The following REEP3 variants were observed in gnomAD, a reference collection of about 807,000 sequenced individuals.
REEP3 encodes the protein receptor accessory protein 3, also known as receptor expression-enhancing protein 3.
Under a neutral mutation model 41.3 loss-of-function variants are expected in REEP3, and 20 were observed. The observed-to-expected ratio is 0.48, with a 90% confidence interval of 0.34 to 0.70. REEP3 has a LOEUF of 0.70. Among genes scored for constraint, REEP3 ranks in the 30% least tolerant of loss-of-function variants. REEP3 has a pLI of 0.01. For missense variants in REEP3, 271 were observed against 308.8 expected, an observed-to-expected ratio of 0.88 and a Z score of 0.92; for synonymous variants, 104 against 101.8, an observed-to-expected ratio of 1.02 and a Z score of -0.13.
chr10:63,591,753 A>C (rs1483493046), intron 2 of REEP3, among the ~76,000 whole-genome samples: 1 of 152,252 alleles, frequency 6.6e-6, no homozygotes, highest in Non-Finnish European at 1.5e-5. Context: ...ACTGAAGCAC[A>C]GCTACTTTTG....
chr10:63,616,652 T>C (rs1264928627), intron 6 of REEP3, among the ~76,000 whole-genome samples: 1 of 152,226 alleles, frequency 6.6e-6, no homozygotes, highest in East Asian at 1.9e-4. Context: ...TAGCAAGGAC[T>C]GGGTTTGTTG....
At chr10:63,617,981 C>T (rs556740611) in intron 6 of REEP3, among the ~76,000 whole-genome samples, 1 of 151,480 alleles carries the variant, frequency 6.6e-6, no homozygotes, top group South Asian at 2.1e-4. Context: ...CCTGCCACCA[C>T]GCCCAGCTAA....
At chr10:63,620,785 C>G in intron 7 of REEP3, 28 bp from the exon 8 acceptor site, 1 of 1,485,356 alleles carries the variant, frequency 6.7e-7, no homozygotes. Flanking sequence ...TCATCTAATT[C>G]TTAATAATAA....
chr10:63,612,942 A>G (rs983481092), intron 6 of REEP3, among the ~76,000 whole-genome samples: 6 of 152,224 alleles, frequency 3.9e-5, no homozygotes, highest in African/African-American at 1.4e-4. Context: ...TTATATTCTA[A>G]TTAGGTAAAT....
chr10:63,610,776 G>A (rs1318141019), intron 6 of REEP3, among the ~76,000 whole-genome samples: 4 of 151,816 alleles, frequency 2.6e-5, no homozygotes, highest in Non-Finnish European at 5.9e-5. Context: ...GCTAGGCCAG[G>A]CACAGTGACT....
chr10:63,604,485 A>T (rs557066706), intron 5 of REEP3, among the ~76,000 whole-genome samples: 6 of 152,326 alleles, frequency 3.9e-5, no homozygotes, highest in Non-Finnish European at 5.9e-5. Flanking sequence ...TCTTTAGCAG[A>T]TATAAGAAAT....
intron 2 of REEP3, among the ~76,000 whole-genome samples, chr10:63,587,784 A>C (rs1025131938): frequency 6.6e-5 from 10 of 152,190 alleles, no homozygotes; most frequent in African/African-American, 2.4e-4. Flanking sequence ...TGAGAACTCA[A>C]CAGATTCCTC....
intron 2 of REEP3, among the ~76,000 whole-genome samples, chr10:63,585,796 A>G (rs1589876946): frequency 2.0e-5 from 3 of 152,144 alleles, no homozygotes; most frequent in Non-Finnish European, 2.9e-5. Context: ...CATTACTGCT[A>G]TTATCTATGG....
intron 1 of REEP3, among the ~76,000 whole-genome samples, chr10:63,556,626 GTTGTTTTGTT>G (rs1564477619): frequency 8.0e-5 from 7 of 87,106 alleles, no homozygotes; most frequent in Non-Finnish European, 1.4e-4. Context: ...TTTTTTTTTT[GTTGTTTTGTT>G]TTTTTTTTTT....
chr10:63,526,411 CTTCT>C (rs992129380), intron 1 of REEP3, among the ~76,000 whole-genome samples: 7 of 151,772 alleles, frequency 4.6e-5, no homozygotes, highest in African/African-American at 1.7e-4. Flanking sequence ...GAAGTACATA[CTTCT>C]TTGGGATAAA....
chr10:63,579,581 C>T (rs1241042248), intron 2 of REEP3, among the ~76,000 whole-genome samples: 2 of 152,206 alleles, frequency 1.3e-5, no homozygotes, highest in Non-Finnish European at 2.9e-5. Context: ...GCTGCCTGTC[C>T]TCTTTTAGCT....
intron 1 of REEP3, among the ~76,000 whole-genome samples, chr10:63,539,636 A>G (rs1217797732): frequency 6.6e-6 from 1 of 152,206 alleles, no homozygotes; most frequent in Non-Finnish European, 1.5e-5. Flanking sequence ...CTTTAAAAAA[A>G]TGTTAAAATT....
At chr10:63,564,003 G>A (rs1264857335) in intron 1 of REEP3, among the ~76,000 whole-genome samples, 1 of 152,200 alleles carries the variant, frequency 6.6e-6, no homozygotes, top group Non-Finnish European at 1.5e-5. Context: ...GAGTAGCTGA[G>A]TGTAATGTGC....
At chr10:63,532,128 G>A (rs1437726833) in intron 1 of REEP3, among the ~76,000 whole-genome samples, 8 of 152,136 alleles carry the variant, frequency 5.3e-5, no homozygotes, top group Non-Finnish European at 1.0e-4. Flanking sequence ...TAAGACATTA[G>A]GATTAGAATA....
Position 63,621,264 on chromosome 10 carries a change from A to G in REEP3, c.*395A>G, listed in dbSNP as rs1409997080. ...ACCTCCTTTTGTGTTGTATCTGGTA[A>G]TTAAATAGGCCTCAGATTCAGCAGT... On this transcript the variant is annotated 3_prime_UTR_variant, in exon 8 of 8. Coordinates refer to ENST00000373758, the MANE Select transcript of REEP3 (RefSeq NM_001001330.3). The G allele has an allele frequency of 1.3e-5, 2 of 154,464 alleles. No individual in the cohort carries two copies. Among genetic ancestry groups the G allele is most frequent in the African/African-American group, 2.4e-5 (1 of 41,516 alleles). The allele number at this position is 154,464 out of a possible 1,614,324, so 9.6% of individuals were successfully genotyped here.
At chr10:63,593,677 C>A (rs1002980742) in intron 2 of REEP3, among the ~76,000 whole-genome samples, 1 of 151,892 alleles carries the variant, frequency 6.6e-6, no homozygotes, top group Non-Finnish European at 1.5e-5. Context: ...GTACTGAGGT[C>A]GATGAAAAAA....
rs117851414 is a variant in REEP3, at chr10:63,580,298, T to C, written c.105+13888T>C. On this transcript the variant is annotated intron_variant, in intron 2 of 7. Transcript: ENST00000373758. Reference sequence around the variant, plus strand: ...CTCCAGATGTGTGCCACCACGCCCATCTAATTTTTGAATTTTTTCTAGAGA... The same window carrying C: ...CTCCAGATGTGTGCCACCACGCCCACCTAATTTTTGAATTTTTTCTAGAGA... Among the ~76,000 whole-genome samples the C allele has an allele frequency of 5.1e-3, 771 of 152,090 alleles. 7 individuals are homozygous for C. The highest frequency in any genetic ancestry group is 8.4e-3 in the Non-Finnish European group (572 of 67,974).
At chr10:63,541,959 G>A (rs956614077) in intron 1 of REEP3, among the ~76,000 whole-genome samples, 2 of 152,000 alleles carry the variant, frequency 1.3e-5, no homozygotes, top group African/African-American at 4.8e-5. Context: ...ATATTTCTAT[G>A]TCATATTACT....
chr10:63,528,255 C>G, intron 1 of REEP3, among the ~76,000 whole-genome samples: 1 of 152,156 alleles, frequency 6.6e-6, no homozygotes, highest in East Asian at 1.9e-4. Context: ...CTTGAGCTTC[C>G]TTCCCCATCT....
Sources: allele counts gnomAD v4.1 joint callset (sites outside exome capture counted in the v4.1 genomes callset), GRCh38; gene constraint gnomAD v4.1.1; transcripts MANE v1.5; gene names NCBI Gene and HGNC (gene_info 2026-07-23, HGNC 2026-07-21).